Variants in ERCC6L2 observed in about 807,000 individuals in gnomAD.
ERCC6L2 encodes DNA excision repair protein ERCC-6-like 2.
Under a neutral mutation model 132.0 loss-of-function variants are expected in ERCC6L2, and 77 were observed. The observed-to-expected ratio is 0.58, with a 90% confidence interval of 0.49 to 0.71. ERCC6L2 has a LOEUF of 0.71. Among genes scored for constraint, ERCC6L2 ranks in the 30% least tolerant of loss-of-function variants. ERCC6L2 has a pLI of 0.00. For missense variants in ERCC6L2, 1,542 were observed against 1,837.6 expected (o/e 0.84, Z 2.94); for synonymous variants, 583 against 632.4 (o/e 0.92, Z 1.17).
intron 6 of ERCC6L2, chr9:95,918,195 C>A: frequency 2.1e-6 from 1 of 476,150 alleles, no homozygotes; most frequent in South Asian, 1.6e-5. Context: ...TGGAGGCAGT[C>A]AGCCCTGTAG....
intron 2 of ERCC6L2, among the ~76,000 whole-genome samples, chr9:95,893,742 A>G (rs1281792854): frequency 1.3e-5 from 2 of 152,034 alleles, no homozygotes; most frequent in Non-Finnish European, 2.9e-5. Context: ...TGGCTTATAC[A>G]TATTTTTTGT....
chr9:95,947,893 T>A (rs1831137995), intron 12 of ERCC6L2, among the ~76,000 whole-genome samples: 1 of 152,192 alleles, frequency 6.6e-6, no homozygotes. Flanking sequence ...AAAAAAAGAT[T>A]TCTTTCCAAA....
chr9:95,883,781 C>G (rs757791695), intron 2 of ERCC6L2, among the ~76,000 whole-genome samples: 33 of 152,226 alleles, frequency 2.2e-4, no homozygotes, highest in Non-Finnish European at 4.1e-4. Context: ...TCTCTTGAAC[C>G]TGGGAGGCAG....
intron 14 of ERCC6L2, among the ~76,000 whole-genome samples, chr9:95,969,501 A>G (rs2133066839): frequency 6.6e-6 from 1 of 152,276 alleles, no homozygotes; most frequent in Middle Eastern, 3.4e-3. Context: ...GGGTATGAGT[A>G]AAAGAGAAGA....
At chr9:95,888,790 C>T (rs976525024) in intron 2 of ERCC6L2, among the ~76,000 whole-genome samples, 3 of 152,176 alleles carry the variant, frequency 2.0e-5, no homozygotes, top group Admixed American at 2.0e-4. Context: ...AGTCCTGGTC[C>T]ATAAAATCCA....
intron 12 of ERCC6L2, among the ~76,000 whole-genome samples, chr9:95,941,978 A>G (rs1490741256): frequency 6.6e-6 from 1 of 152,206 alleles, no homozygotes; most frequent in African/African-American, 2.4e-5. Flanking sequence ...GTGGGAGTAG[A>G]CAGAGTGCAT....
intron 13 of ERCC6L2, among the ~76,000 whole-genome samples, chr9:95,959,017 GA>G (rs1564263169): frequency 6.6e-6 from 1 of 151,536 alleles, no homozygotes; most frequent in Non-Finnish European, 1.5e-5. Context: ...CACAGAATTG[GA>G]AAAAACTACT....
chr9:95,970,138 A>G (rs1291768612), intron 14 of ERCC6L2, among the ~76,000 whole-genome samples: 1 of 152,172 alleles, frequency 6.6e-6, no homozygotes, highest in African/African-American at 2.4e-5. Context: ...AACAATAAAT[A>G]TAGTAACAAT....
At chr9:95,973,772 C>T (rs1230359308) in intron 16 of ERCC6L2, among the ~76,000 whole-genome samples, 1 of 152,174 alleles carries the variant, frequency 6.6e-6, no homozygotes, top group Non-Finnish European at 1.5e-5. Flanking sequence ...CAAACCATAT[C>T]ACTAGGTATT....
At chr9:95,999,148 C>T (rs1833568926) in intron 17 of ERCC6L2, among the ~76,000 whole-genome samples, 3 of 152,122 alleles carry the variant, frequency 2.0e-5, no homozygotes, top group Admixed American at 2.0e-4. Flanking sequence ...ATCACGAAGT[C>T]AGGAGATCTA....
chr9:96,029,902 G>A (rs1038356079), intron 19 of ERCC6L2, among the ~76,000 whole-genome samples: 2 of 152,192 alleles, frequency 1.3e-5, no homozygotes, highest in East Asian at 1.9e-4. Context: ...TCGCTGTTGG[G>A]CGTGCCTTTG....
At chr9:95,907,826 T>TA (rs1829122803) in intron 4 of ERCC6L2, among the ~76,000 whole-genome samples, 1 of 40,870 alleles carries the variant, frequency 2.4e-5, no homozygotes, top group South Asian at 9.7e-4. Flanking sequence ...GGGCAAAAAC[T>TA]ACACACACAC....
chr9:95,913,983 T>C (rs1388518501), intron 4 of ERCC6L2, among the ~76,000 whole-genome samples: 3 of 152,228 alleles, frequency 2.0e-5, no homozygotes, highest in Admixed American at 2.0e-4. Context: ...TCTTTGCACC[T>C]AAGTTTTCAT....
At chr9:96,008,545 C>T (rs1458218669) in intron 18 of ERCC6L2, among the ~76,000 whole-genome samples, 5 of 152,192 alleles carry the variant, frequency 3.3e-5, no homozygotes, top group African/African-American at 7.2e-5. Context: ...CTCAATGAGT[C>T]GTCCTTCAAT....
chr9:95,972,815 A>G lies in ERCC6L2; in HGVS notation c.3064A>G (p.Lys1022Glu), dbSNP rs962124789. 1.5e-5 allele frequency: 20 copies of G among 1,304,830 alleles called. No individual in the cohort carries two copies. The highest frequency in any genetic ancestry group is 1.9e-5 in the Non-Finnish European group (19 of 988,930). The allele number at this position is 1,304,830 out of a possible 1,614,324, so 80.8% of individuals were successfully genotyped here. Residue 1022 changes from lysine to glutamate, a missense_variant, in exon 16 of 19, where the codon AAA (lysine) becomes GAA (glutamate). Transcript: ENST00000653738. ...TCACAATTCTCCCAAAACAATGAAC[A>G]AAACAAACCAAGTGTATGCAGCAAA... Reference protein sequence around the residue: ...ELHNSPKTMNKTNQVYAANED... With the variant: ...ELHNSPKTMNETNQVYAANED...
chr9:95,981,841 A>G (rs1832905720), intron 17 of ERCC6L2, among the ~76,000 whole-genome samples: 1 of 152,164 alleles, frequency 6.6e-6, no homozygotes, highest in East Asian at 1.9e-4. Context: ...ATGTACAAAG[A>G]CAGCCTTCAA....
chr9:96,033,023 G>A (rs10115110), intron 19 of ERCC6L2, among the ~76,000 whole-genome samples: 36,805 of 152,076 alleles, frequency 0.24, 5,386 homozygotes, highest in East Asian at 0.37. Context: ...TATCTCCTTG[G>A]AGCAATCAAA....
chr9:95,916,547 T>A lies in ERCC6L2; in HGVS notation c.1158+113T>A, dbSNP rs940573772. The A allele has an allele frequency of 4.7e-6, 4 of 853,332 alleles. No individual in the cohort carries two copies. In the African/African-American group the frequency reaches 5.5e-5, roughly 12 times the overall value. The allele number at this position is 853,332 out of a possible 1,614,324, so 52.9% of individuals were successfully genotyped here. The stretch of plus-strand genomic sequence containing the variant: ...GTAAATACAGTTTTTTGCCTTTTAT[T>A]CTGTATGGAAAAAATTGTTGCGCGC... On this transcript the variant is annotated intron_variant, in intron 6 of 18. Coordinates refer to ENST00000653738, the MANE Select transcript of ERCC6L2 (RefSeq NM_020207.7).
chr9:95,908,164 C>T (rs755418297), intron 4 of ERCC6L2, among the ~76,000 whole-genome samples: 18 of 152,116 alleles, frequency 1.2e-4, no homozygotes, highest in Non-Finnish European at 1.9e-4. Context: ...GTCGCTTCTC[C>T]TCAACCCCCA....
Sources: gnomAD v4.1 joint callset for allele counts (sites outside exome capture counted in the v4.1 genomes callset) on GRCh38, gnomAD v4.1.1 for gene constraint, MANE v1.5 for transcripts, NCBI Gene and HGNC (gene_info 2026-07-23, HGNC 2026-07-21) for gene names.